The following PTP4A2 variants were observed in gnomAD, a reference collection of about 807,000 sequenced individuals.
PTP4A2 encodes protein tyrosine phosphatase type IVA 2.
A neutral mutation model predicts 22.9 loss-of-function variants in PTP4A2; 2 were observed. The observed-to-expected ratio is 0.09, with a 90% CI of 0.04 to 0.27. The LOEUF (loss-of-function observed/expected upper bound fraction) is 0.27, where lower values mean the gene tolerates loss of function less well. Ranked by LOEUF, PTP4A2 falls within the 10% of genes least tolerant of loss-of-function variation. The probability of loss-of-function intolerance (pLI) is 1.00; values close to 1 mark genes in which losing one functional copy is unlikely to be tolerated. For synonymous variants in PTP4A2, 68 were observed against 69.1 expected (o/e 0.98, Z 0.08); for missense variants, 103 against 205.1 (o/e 0.50, Z 3.04).
intron 3 of PTP4A2, chr1:31,913,786 C>T (rs1557861785): frequency 2.2e-6 from 1 of 455,874 alleles, no homozygotes; most frequent in Non-Finnish European, 4.4e-6. Context: ...AAGATGTTTA[C>T]CAACATTACT....
rs114133921 is a variant in PTP4A2, at chr1:31,907,041, G to C, written c.*1811C>G. 9.2e-5 allele frequency: 14 copies of C among 152,320 alleles called. No individual in the cohort carries two copies. The highest frequency in any genetic ancestry group is 3.4e-4 in the African/African-American group (14 of 41,564). The allele number at this position is 152,320 out of a possible 1,614,324, so 9.4% of individuals were successfully genotyped here. On this transcript the variant is annotated 3_prime_UTR_variant, in exon 6 of 6. Coordinates refer to ENST00000647444, the MANE Select transcript of PTP4A2 (RefSeq NM_080391.4). ...TTTTGTTTTCTGGGATGGGAGAGGA[G>C]AGAATCTACAGATTTGCGTTTAGTT...
rs1651271416 is a variant in PTP4A2 at position 31,908,082 on chromosome 1, T to G, written c.*770A>C. 2 of 118,830 alleles carry G rather than the reference T, an allele frequency of 1.7e-5. No individual in the cohort carries two copies. The highest frequency in any genetic ancestry group is 3.5e-5 in the Non-Finnish European group (2 of 57,284). The allele number at this position is 118,830 out of a possible 1,614,324, so 7.4% of individuals were successfully genotyped here. A position where few individuals can be genotyped will look rare whatever the true frequency, so the allele number is the denominator to read the frequency against. On this transcript the variant is annotated 3_prime_UTR_variant, in exon 6 of 6. Transcript: ENST00000647444. ...TTGAAGAAACTAACATGAACACCCT[T>G]TCATCAGTAAAGACTAAAAACCACC...
intron 1 of PTP4A2, chr1:31,931,228 C>T (rs1008389149): frequency 3.9e-5 from 6 of 152,136 alleles, no homozygotes; most frequent in East Asian, 1.9e-4. Flanking sequence ...ACAAAGTAAG[C>T]GTGAGAAGAA....
intron 2 of PTP4A2, among the ~76,000 whole-genome samples, chr1:31,918,464 T>C (rs192530965): frequency 2.4e-4 from 36 of 152,306 alleles, no homozygotes; most frequent in Admixed American, 1.0e-3. Flanking sequence ...CTGAAGTACA[T>C]ACAGAATGGT....
chr1:31,909,575 G>A (rs1371654923), intron 5 of PTP4A2, among the ~76,000 whole-genome samples: 1 of 151,976 alleles, frequency 6.6e-6, no homozygotes, highest in Non-Finnish European at 1.5e-5. Context: ...GAGAGGCTGA[G>A]GCAGTAGAAT....
intron 1 of PTP4A2, among the ~76,000 whole-genome samples, chr1:31,937,363 C>G (rs1243456090): frequency 6.6e-6 from 1 of 151,962 alleles, no homozygotes; most frequent in African/African-American, 2.4e-5. Context: ...GACCCACGGA[C>G]AAGATGCTCC....
rs566980418 is a variant in PTP4A2 at position 31,908,742 on chromosome 1, G to A, written c.*110C>T. On this transcript the variant is annotated 3_prime_UTR_variant, in exon 6 of 6. Coordinates refer to ENST00000647444, the MANE Select transcript of PTP4A2 (RefSeq NM_080391.4). ...ATTAGGAGAGTGGTTGAGGAGTACT[G>A]AATCCATCACTACTTTGATGACACA... 2 of 747,884 alleles carry A rather than the reference G, an allele frequency of 2.7e-6. No individual in the cohort carries two copies. Among genetic ancestry groups the A allele is most frequent in the Non-Finnish European group, 4.7e-6 (2 of 429,180 alleles). 46.3% of individuals were successfully genotyped at this position (747,884 alleles called of 1,614,324 possible). A position where few individuals can be genotyped will look rare whatever the true frequency, so the allele number is the denominator to read the frequency against.
intron 1 of PTP4A2, chr1:31,933,871 T>A (rs576253723): frequency 9.2e-5 from 14 of 152,372 alleles, no homozygotes; most frequent in Admixed American, 3.9e-4. Flanking sequence ...TGTGGAAACC[T>A]AAACCCTGAA....
At chr1:31,933,048 C>A (rs952677669) in intron 1 of PTP4A2, 9 of 151,868 alleles carry the variant, frequency 5.9e-5, no homozygotes, top group Non-Finnish European at 1.2e-4. Context: ...GTCTCCCAGG[C>A]TAGACTGCAG....
At chr1:31,910,428 T>C (rs1378396947) in intron 4 of PTP4A2, 1 of 207,466 alleles carries the variant, frequency 4.8e-6, no homozygotes, top group Non-Finnish European at 9.8e-6. Flanking sequence ...TAGCTCGGAC[T>C]ATAGGTGCCC....
Position 31,919,272 on chromosome 1 carries a change from T to C in PTP4A2, c.-207A>G, listed in dbSNP as rs1056265152. On this transcript the variant is annotated 5_prime_UTR_variant, in exon 2 of 6. Transcript: ENST00000647444. ...ATAAGCAAAGTATTTAGAATCCACTTGAATCCAAATTCAATTTGGGCCTCA... is the reference window on the plus strand; with the variant it reads ...ATAAGCAAAGTATTTAGAATCCACTCGAATCCAAATTCAATTTGGGCCTCA... 2.2e-5 allele frequency: 7 copies of C among 322,634 alleles called. No homozygotes were observed. Among genetic ancestry groups the C allele is most frequent in the Non-Finnish European group, 4.1e-5 (7 of 171,740 alleles). 20.0% of individuals were successfully genotyped at this position (322,634 alleles called of 1,614,324 possible). A position where few individuals can be genotyped will look rare whatever the true frequency, so the allele number is the denominator to read the frequency against.
intron 1 of PTP4A2, among the ~76,000 whole-genome samples, chr1:31,929,450 T>C (rs1374933189): frequency 6.6e-6 from 1 of 152,218 alleles, no homozygotes; most frequent in African/African-American, 2.4e-5. Context: ...ATGGCTATCT[T>C]TTCTATGGGG....
rs1651307561 is a variant in PTP4A2, at chr1:31,908,149, TATA to T, written c.*700_*702del. On this transcript the variant is annotated 3_prime_UTR_variant, in exon 6 of 6. Transcript: ENST00000647444. ...ATATATATATATTATATTATATATA[TATA>T]TATATATATATATATATATATATAT... The T allele has an allele frequency of 1.2e-3, 1 of 840 alleles. No homozygotes were observed. The highest frequency in any genetic ancestry group is 3.3e-3 in the African/African-American group (1 of 300). 0.1% of individuals were successfully genotyped at this position (840 alleles called of 1,614,324 possible).
At chr1:31,916,013 G>A (rs1651811267) in intron 2 of PTP4A2, 26 bp from the exon 3 acceptor site, 1 of 1,431,230 alleles carries the variant, frequency 7.0e-7, no homozygotes, top group Non-Finnish European at 9.6e-7. Flanking sequence ...AAATTATAAT[G>A]GAACTTGTTT....
At chr1:31,918,120 G>A (rs1266788225) in intron 2 of PTP4A2, among the ~76,000 whole-genome samples, 1 of 151,908 alleles carries the variant, frequency 6.6e-6, no homozygotes, top group Non-Finnish European at 1.5e-5. Context: ...GTGGTGGCAG[G>A]TGCCTGTAGT....
intron 3 of PTP4A2, among the ~76,000 whole-genome samples, chr1:31,912,699 G>A (rs1651601700): frequency 6.6e-6 from 1 of 152,160 alleles, no homozygotes; most frequent in African/African-American, 2.4e-5. Flanking sequence ...AAGCTTCAAA[G>A]ATAGAAATGC....
chr1:31,914,002 G>A (rs560752167), intron 3 of PTP4A2: 56 of 405,652 alleles, frequency 1.4e-4, no homozygotes, highest in Non-Finnish European at 2.3e-4. Flanking sequence ...GTGATTTCCA[G>A]CAGTGGACAG....
At chr1:31,927,350 T>C (rs1652511974) in intron 1 of PTP4A2, among the ~76,000 whole-genome samples, 1 of 152,092 alleles carries the variant, frequency 6.6e-6, no homozygotes, top group African/African-American at 2.4e-5. Context: ...TGGGGACCAC[T>C]TGAGGGTGGA....
At chr1:31,928,228 TATA>T (rs1652561469) in intron 1 of PTP4A2, among the ~76,000 whole-genome samples, 2 of 142,398 alleles carry the variant, frequency 1.4e-5, no homozygotes, top group African/African-American at 2.7e-5. Context: ...AATATAATAA[TATA>T]ATATATAGCA....
Sources: gnomAD v4.1 joint callset for allele counts (sites outside exome capture counted in the v4.1 genomes callset) on GRCh38, gnomAD v4.1.1 for gene constraint, MANE v1.5 for transcripts, NCBI Gene and HGNC (gene_info 2026-07-23, HGNC 2026-07-21) for gene names.